ADAMTS18: variants seen among roughly 807,000 people sequenced by gnomAD.
ADAMTS18 encodes A disintegrin and metalloproteinase with thrombospondin motifs 18.
ADAMTS18 carries 157 observed loss-of-function variants against 165.9 expected under a neutral mutation model. The ratio of observed to expected loss-of-function variants is 0.95; its 90% CI spans 0.83 to 1.08. The LOEUF (loss-of-function observed/expected upper bound fraction) is 1.08. Among genes scored for constraint, ADAMTS18 ranks in the 50% least tolerant of loss-of-function variants. The pLI is 0.00. For synonymous variants in ADAMTS18, 782 were observed against 578.2 expected (o/e 1.35, Z -5.06); for missense variants, 2,040 against 1,534.0 (o/e 1.33, Z -5.51).
intron 3 of ADAMTS18, among the ~76,000 whole-genome samples, chr16:77,423,829 AGTG>A (rs1027751962): frequency 2.6e-5 from 4 of 152,180 alleles, no homozygotes; most frequent in Admixed American, 6.5e-5. Context: ...CCAGTATCAA[AGTG>A]TTCATTTCCT....
intron 7 of ADAMTS18, among the ~76,000 whole-genome samples, chr16:77,359,669 C>T (rs2056684081): frequency 2.6e-5 from 4 of 151,922 alleles, no homozygotes; most frequent in Non-Finnish European, 5.9e-5. Context: ...TTGTAAGAGC[C>T]CTGTAAGGTC....
chr16:77,411,677 A>ATTTTTTTT lies in ADAMTS18; in HGVS notation c.495+19610_495+19617dup, dbSNP rs34453966. ...CTTGATGGACCACAGAGTATCCAGAATTTTTTTTTTTTTTTTTTTTTTTTT... is the reference window on the plus strand; with the variant it reads ...CTTGATGGACCACAGAGTATCCAGAATTTTTTTTTTTTTTTTTTTTTTTTTTTTTTTTT... On this transcript the variant is annotated intron_variant, in intron 3 of 22. Coordinates refer to ENST00000282849, the MANE Select transcript of ADAMTS18 (RefSeq NM_199355.4). Among the ~76,000 whole-genome samples, 151 of 73,892 alleles carry ATTTTTTTT rather than the reference A, an allele frequency of 2.0e-3. 18 individuals are homozygous for ATTTTTTTT. Among genetic ancestry groups the ATTTTTTTT allele is most frequent in the African/African-American group, 7.3e-3 (136 of 18,756 alleles). 48.5% of individuals were successfully genotyped at this position (73,892 alleles called of 152,430 possible). A position where few individuals can be genotyped will look rare whatever the true frequency, so the allele number is the denominator to read the frequency against.
intron 2 of ADAMTS18, 22 bp downstream of exon 2, chr16:77,434,396 G>T: frequency 6.4e-7 from 1 of 1,559,544 alleles, no homozygotes; most frequent in Non-Finnish European, 8.6e-7. Flanking sequence ...GCCCTTCTTG[G>T]GGATGGGGGG....
At chr16:77,308,387 T>C (rs926842012) in intron 16 of ADAMTS18, among the ~76,000 whole-genome samples, 1 of 152,070 alleles carries the variant, frequency 6.6e-6, no homozygotes, top group Admixed American at 6.6e-5. Flanking sequence ...GACAGCTTGA[T>C]AGAGAATGTG....
chr16:77,370,360 T>C (rs928100910), intron 3 of ADAMTS18, among the ~76,000 whole-genome samples: 7 of 152,110 alleles, frequency 4.6e-5, no homozygotes, highest in African/African-American at 1.7e-4. Context: ...AAAAAACTAT[T>C]AGAATAGAGG....
At chr16:77,293,845 T>C (rs7190825) in intron 19 of ADAMTS18, among the ~76,000 whole-genome samples, 124,001 of 150,094 alleles carry the variant, frequency 0.83, 51,985 homozygotes, top group East Asian at 0.98. Context: ...TGACAGGAGG[T>C]GGAGTTTAGT....
intron 3 of ADAMTS18, among the ~76,000 whole-genome samples, chr16:77,413,089 G>A (rs561995421): frequency 4.6e-5 from 7 of 152,118 alleles, no homozygotes; most frequent in African/African-American, 1.7e-4. Context: ...CAGAATTCTG[G>A]CTAATATGCA....
At chr16:77,359,016 C>T (rs2144725483) in intron 8 of ADAMTS18, among the ~76,000 whole-genome samples, 1 of 152,062 alleles carries the variant, frequency 6.6e-6, no homozygotes, top group South Asian at 2.1e-4. Context: ...CATAAAGAAT[C>T]AGCTAGAAGT....
At position 77,341,752 on chromosome 16, in the gene ADAMTS18, C is replaced by G; in HGVS notation, c.1662G>C (p.Glu554Asp). Residue 554 changes from glutamate to aspartate, a missense_variant, in exon 11 of 23, where the codon GAG becomes GAC. By Grantham distance (45) the Glu-to-Asp change is conservative (BLOSUM62 2). Transcript: ENST00000282849. ...LWCHRVGHRC[E>D]TKFMPAAEGT... is the part of the protein sequence containing the mutation. ...CTTCTGCTGCGGGCATAAACTTGGT[C>G]TCACACCTGTGGCCTACTCGGTGGC... 2.5e-6 allele frequency: 4 copies of G among 1,613,662 alleles called. No individual in the cohort carries two copies.
chr16:77,348,415 A>T (rs532629029), intron 10 of ADAMTS18, among the ~76,000 whole-genome samples: 1 of 152,364 alleles, frequency 6.6e-6, no homozygotes, highest in African/African-American at 2.4e-5. Flanking sequence ...CAAGTCTCCC[A>T]TCCGAGGCAG....
intron 12 of ADAMTS18, among the ~76,000 whole-genome samples, chr16:77,332,895 A>G (rs935454026): frequency 1.3e-5 from 2 of 152,198 alleles, no homozygotes; most frequent in Non-Finnish European, 2.9e-5. Flanking sequence ...GAAATTTCAC[A>G]TCAGCATTTT....
At chr16:77,424,813 T>C (rs2057650734) in intron 3 of ADAMTS18, among the ~76,000 whole-genome samples, 1 of 152,232 alleles carries the variant, frequency 6.6e-6, no homozygotes, top group Non-Finnish European at 1.5e-5. Context: ...AGTCTAATCC[T>C]TAACTTCACA....
Position 77,362,102 on chromosome 16 carries a change from T to C in ADAMTS18, c.1216+3A>G, listed in dbSNP as rs2056723817. On this transcript the variant is annotated splice_donor_region_variant and intron_variant, in intron 7 of 22. Coordinates refer to ENST00000282849, the MANE Select transcript of ADAMTS18 (RefSeq NM_199355.4). ...GTGTGTGAAGGATCTGTTCATACCA[T>C]ACCTAGAGTGTCACATGGTTCATTC... is the stretch of plus-strand genomic sequence containing the variant. The C allele has an allele frequency of 5.6e-6, 9 of 1,614,082 alleles. No individual in the cohort carries two copies. The highest frequency in any genetic ancestry group is 7.6e-6 in the Non-Finnish European group (9 of 1,179,984).
In ADAMTS18 at chr16:77,291,503, A is replaced by C. The variant is rs1245885490; in HGVS notation, c.3190-25T>G. The C allele has an allele frequency of 5.0e-6, 8 of 1,609,764 alleles. No individual in the cohort carries two copies. The South Asian group carries it at 5.5e-5, about 11-fold the overall frequency. On this transcript the variant is annotated intron_variant, in intron 20 of 22. Transcript: ENST00000282849. ...ACTAGGAGCCAAGACAGGATGTGTA[A>C]AAGTGAAGACTGCCAGGATCACATC...
chr16:77,366,800 C>G (rs1023847923), intron 4 of ADAMTS18, among the ~76,000 whole-genome samples: 7 of 152,084 alleles, frequency 4.6e-5, no homozygotes, highest in African/African-American at 1.7e-4. Context: ...TAATGTAACT[C>G]TCTAATAATT....
chr16:77,363,056 G>GT (rs1302301313), intron 6 of ADAMTS18, among the ~76,000 whole-genome samples: 2 of 152,126 alleles, frequency 1.3e-5, no homozygotes, highest in Admixed American at 6.6e-5. Context: ...TGCTTTTTAT[G>GT]TTTTTTACTG....
chr16:77,429,508 A>C (rs958078447), intron 3 of ADAMTS18, among the ~76,000 whole-genome samples: 6 of 152,184 alleles, frequency 3.9e-5, no homozygotes, highest in African/African-American at 1.4e-4. Context: ...CTGGGTGATG[A>C]AATAATCTGT....
rs2057511158 is a variant in ADAMTS18, at chr16:77,414,984, G to A, written c.495+16311C>T. On this transcript the variant is annotated intron_variant, in intron 3 of 22. Coordinates refer to ENST00000282849, the MANE Select transcript of ADAMTS18 (RefSeq NM_199355.4). ...ATTTACTACTTTAAAAGCATCTGCAGTTATTGTTGGCAGACACAGAGAGGT... is the reference window on the plus strand; with the variant it reads ...ATTTACTACTTTAAAAGCATCTGCAATTATTGTTGGCAGACACAGAGAGGT... 3.9e-5 allele frequency among the ~76,000 whole-genome samples: 6 copies of A among 152,226 alleles called. No individual in the cohort carries two copies. In the South Asian group the frequency reaches 1.2e-3, roughly 31 times the overall value.
At chr16:77,423,068 T>C (rs148845131) in intron 3 of ADAMTS18, among the ~76,000 whole-genome samples, 148 of 152,308 alleles carry the variant, frequency 9.7e-4, no homozygotes, top group Non-Finnish European at 1.8e-3. Context: ...CTACTGAATG[T>C]TCAGAGGTGG....
Sources: allele counts gnomAD v4.1 joint callset (sites outside exome capture counted in the v4.1 genomes callset), GRCh38; gene constraint gnomAD v4.1.1; transcripts MANE v1.5; gene names NCBI Gene and HGNC (gene_info 2026-07-23, HGNC 2026-07-21).